Variants in MET observed in about 807,000 individuals in gnomAD.
MET encodes MET proto-oncogene, receptor tyrosine kinase.
Under a neutral mutation model 133.1 loss-of-function variants are expected in MET, and 48 were observed. The ratio of observed to expected loss-of-function variants is 0.36; its 90% CI spans 0.29 to 0.46. MET has a LOEUF of 0.46. Among genes scored for constraint, MET ranks in the 20% least tolerant of loss-of-function variants. MET has a pLI of 1.00. For missense variants in MET, 1,442 were observed against 1,695.9 expected, an observed-to-expected ratio of 0.85 and a Z score of 2.63; for synonymous variants, 628 against 616.5, an observed-to-expected ratio of 1.02 and a Z score of -0.28.
chr7:116,750,785 G>A (rs1235593869), intron 5 of MET, among the ~76,000 whole-genome samples: 1 of 152,130 alleles, frequency 6.6e-6, no homozygotes, highest in Non-Finnish European at 1.5e-5. Flanking sequence ...CTTCTCAAAA[G>A]AAGACATTTA....
chr7:116,780,097 A>G (rs1263694313), intron 17 of MET, among the ~76,000 whole-genome samples: 1 of 152,204 alleles, frequency 6.6e-6, no homozygotes, highest in East Asian at 1.9e-4. Context: ...GCAGTAAATA[A>G]TTGTTGAATG....
chr7:116,784,534 C>T (rs1034493969), intron 19 of MET, among the ~76,000 whole-genome samples: 7 of 152,140 alleles, frequency 4.6e-5, no homozygotes, highest in Non-Finnish European at 8.8e-5. Context: ...ATGGCAGGAG[C>T]AGGACCAACG....
intron 3 of MET, among the ~76,000 whole-genome samples, chr7:116,732,614 A>G (rs913383047): frequency 3.9e-5 from 6 of 152,178 alleles, no homozygotes; most frequent in Admixed American, 2.0e-4. Flanking sequence ...AATAGCATCT[A>G]TGGAAATCTT....
intron 12 of MET, among the ~76,000 whole-genome samples, chr7:116,770,593 C>T (rs1000278836): frequency 3.9e-5 from 6 of 152,120 alleles, no homozygotes; most frequent in Admixed American, 6.6e-5. Flanking sequence ...TTCTCTCCCC[C>T]GGCTCCTGAT....
intron 1 of MET, among the ~76,000 whole-genome samples, chr7:116,692,246 G>A (rs916095395): frequency 1.3e-5 from 2 of 152,152 alleles, no homozygotes; most frequent in Admixed American, 6.5e-5. Context: ...GATTAGAAGA[G>A]ATGATGGAGC....
At chr7:116,780,246 A>G (rs1795116156) in intron 17 of MET, among the ~76,000 whole-genome samples, 1 of 152,160 alleles carries the variant, frequency 6.6e-6, no homozygotes, top group Admixed American at 6.5e-5. Flanking sequence ...AACTGAATTC[A>G]TAGAAGGCCT....
At chr7:116,740,505 T>C (rs1467908146) in intron 4 of MET, among the ~76,000 whole-genome samples, 1 of 152,210 alleles carries the variant, frequency 6.6e-6, no homozygotes, top group Non-Finnish European at 1.5e-5. Flanking sequence ...TTTCCAGAGA[T>C]TCAAGTGTGT....
intron 2 of MET, among the ~76,000 whole-genome samples, chr7:116,718,264 C>A (rs1046058900): frequency 6.6e-6 from 1 of 152,022 alleles, no homozygotes. Flanking sequence ...TGGCGGGCAC[C>A]TGTAGTCTCA....
chr7:116,752,448 C>T (rs575311252), intron 5 of MET, among the ~76,000 whole-genome samples: 7 of 152,336 alleles, frequency 4.6e-5, no homozygotes, highest in South Asian at 2.1e-4. Flanking sequence ...TTATGCCGGA[C>T]GCTCATTTCC....
At chr7:116,697,470 A>T (rs189496481) in intron 1 of MET, among the ~76,000 whole-genome samples, 1 of 152,258 alleles carries the variant, frequency 6.6e-6, no homozygotes, top group Admixed American at 6.5e-5. Flanking sequence ...TTCCTTAATG[A>T]TTATTAATCA....
intron 19 of MET, among the ~76,000 whole-genome samples, chr7:116,794,079 A>G (rs2117101686): frequency 6.6e-6 from 1 of 151,788 alleles, no homozygotes; most frequent in South Asian, 2.1e-4. Flanking sequence ...CCCTACTATT[A>G]TCTCTTTGAC....
In MET at chr7:116,675,429, T is replaced by A. The variant is rs77851542; in HGVS notation, c.-15+2852T>A. On this transcript the variant is annotated intron_variant, in intron 1 of 20. Coordinates refer to ENST00000397752, the MANE Select transcript of MET (RefSeq NM_000245.4). Reference sequence around the variant, plus strand: ...TGCTATGAAATAATAGAATTTTTTTTTAAAAATCAAAGTTTGGAACTTAAA... The same window carrying A: ...TGCTATGAAATAATAGAATTTTTTTATAAAAATCAAAGTTTGGAACTTAAA... 6.9e-3 allele frequency among the ~76,000 whole-genome samples: 1,044 copies of A among 152,312 alleles called. 13 individuals carry two copies. The highest frequency in any genetic ancestry group is 0.024 in the African/African-American group (1,004 of 41,560).
intron 5 of MET, among the ~76,000 whole-genome samples, chr7:116,748,686 C>T (rs1793792903): frequency 6.6e-6 from 1 of 151,932 alleles, no homozygotes; most frequent in Non-Finnish European, 1.5e-5. Flanking sequence ...TTGAAAAGAT[C>T]AACAAAATTG....
chr7:116,744,422 G>C (rs1026488974), intron 5 of MET, among the ~76,000 whole-genome samples: 2 of 152,150 alleles, frequency 1.3e-5, no homozygotes, highest in Non-Finnish European at 2.9e-5. Context: ...AATCAATCAA[G>C]TGGAAGAAAG....
intron 1 of MET, among the ~76,000 whole-genome samples, chr7:116,698,056 C>T (rs185200665): frequency 2.0e-5 from 3 of 152,238 alleles, no homozygotes; most frequent in Admixed American, 1.3e-4. Context: ...TAGAGGCTCC[C>T]TTTGTCCTAT....
At chr7:116,740,758 T>G in intron 4 of MET, 94 bp from the exon 5 acceptor site, 253 of 1,470,828 alleles carry the variant, frequency 1.7e-4, no homozygotes, top group Non-Finnish European at 2.2e-4. Context: ...TTCCATCAAA[T>G]GATATTTACA....
chr7:116,737,001 C>T (rs978661931), intron 3 of MET, among the ~76,000 whole-genome samples: 11 of 152,032 alleles, frequency 7.2e-5, no homozygotes, highest in African/African-American at 2.7e-4. Flanking sequence ...ATTTAGAATC[C>T]TAGCAATAAG....
intron 2 of MET, among the ~76,000 whole-genome samples, chr7:116,726,178 TGGGATATAAA>T: frequency 2.8e-4 from 1 of 3,592 alleles, no homozygotes; most frequent in East Asian, 7.1e-3. Flanking sequence ...TATATATATA[TGGGATATAAA>T]ACAAATACTC....
chr7:116,697,896 C>T (rs561908240), intron 1 of MET, among the ~76,000 whole-genome samples: 1 of 152,322 alleles, frequency 6.6e-6, no homozygotes, highest in East Asian at 1.9e-4. Context: ...CACTCAGCCA[C>T]ATTGCAGCTT....
Sources: allele counts gnomAD v4.1 joint callset (sites outside exome capture counted in the v4.1 genomes callset), GRCh38; gene constraint gnomAD v4.1.1; transcripts MANE v1.5; gene names NCBI Gene and HGNC (gene_info 2026-07-23, HGNC 2026-07-21).